The following WDR11 variants were observed in gnomAD, a reference collection of about 807,000 sequenced individuals.
The protein encoded by WDR11 is WD repeat domain 11.
WDR11 carries 83 observed loss-of-function variants against 151.2 expected under a neutral mutation model. The ratio of observed to expected loss-of-function variants is 0.55; its 90% CI spans 0.46 to 0.66. The LOEUF is 0.66. Ranked by LOEUF, WDR11 falls within the 30% of genes least tolerant of loss-of-function variation. The pLI, the probability that WDR11 is intolerant of heterozygous loss-of-function variation, is 0.00. For missense variants in WDR11, 1,301 were observed against 1,480.9 expected (o/e 0.88, Z 1.99); for synonymous variants, 484 against 533.1 (o/e 0.91, Z 1.27).
intron 16 of WDR11, among the ~76,000 whole-genome samples, chr10:120,887,924 A>G (rs1163621453): frequency 8.7e-6 from 1 of 115,320 alleles, no homozygotes; most frequent in African/African-American, 3.2e-5. Flanking sequence ...ACAGAATTTC[A>G]TTTCTTTAAT....
At chr10:120,853,631 A>G (rs1416160850) in intron 2 of WDR11, among the ~76,000 whole-genome samples, 1 of 152,162 alleles carries the variant, frequency 6.6e-6, no homozygotes, top group African/African-American at 2.4e-5. Context: ...CTCTGGCAGC[A>G]GTGGAGGATC....
chr10:120,865,357 G>T (rs1296353742), intron 6 of WDR11, 145 bp downstream of exon 6: 14 of 849,042 alleles, frequency 1.6e-5, no homozygotes, highest in Admixed American at 1.1e-4. Context: ...ATTTTAGATT[G>T]TTTTTTTTGT....
At chr10:120,907,853 A>C (rs1271250174) in intron 28 of WDR11, 3 of 146,210 alleles carry the variant, frequency 2.1e-5, no homozygotes, top group African/African-American at 7.7e-5. Flanking sequence ...TATGTTGCCC[A>C]GGCTGGTCTT....
chr10:120,863,108 G>A (rs1846194996), intron 5 of WDR11, among the ~76,000 whole-genome samples, 187 bp downstream of exon 5: 1 of 152,034 alleles, frequency 6.6e-6, no homozygotes, highest in Non-Finnish European at 1.5e-5. Flanking sequence ...ATTTAACATT[G>A]CCTTTGTTTC....
chr10:120,865,026 GTGAA>G lies in WDR11; in HGVS notation c.714-18_714-15del. ...GATATAAATGAAGTCTTTGACCCAAGTGAATGTTTACTTTTTTCAGTGCTGAATT... is the reference window on the plus strand; with the variant it reads ...GATATAAATGAAGTCTTTGACCCAAGTGTTTACTTTTTTCAGTGCTGAATT... On this transcript the variant is annotated splice_polypyrimidine_tract_variant and intron_variant, in intron 5 of 28. Coordinates refer to ENST00000263461, the MANE Select transcript of WDR11 (RefSeq NM_018117.12). 6.2e-7 allele frequency: 1 copy of G among 1,613,380 alleles called. No individual in the cohort carries two copies. The highest frequency in any genetic ancestry group is 1.1e-5 in the South Asian group (1 of 91,064).
In WDR11 at chr10:120,906,748, A is replaced by ATAAC. The variant is rs369126028; in HGVS notation, c.3438-26_3438-23dup. The ATAAC allele has an allele frequency of 5.1e-4, 823 of 1,614,100 alleles. 5 individuals are homozygous for ATAAC. The African/African-American group carries it at 9.6e-3, about 19-fold the overall frequency. ...CCACCAGTGATGTAAATCACAAAGC[A>ATAAC]TAACTCTTGTTTTGTTCTGTTGAGC... is the stretch of plus-strand genomic sequence containing the variant. On this transcript the variant is annotated intron_variant, in intron 27 of 28. Transcript: ENST00000263461.
At chr10:120,869,640 A>G (rs1846457435) in intron 9 of WDR11, among the ~76,000 whole-genome samples, 1 of 152,200 alleles carries the variant, frequency 6.6e-6, no homozygotes, top group South Asian at 2.1e-4. Context: ...ATACTTATTA[A>G]GGCCTAATTT....
intron 25 of WDR11, 46 bp from the exon 26 acceptor site, chr10:120,905,269 CAAAG>C (rs1847989326): frequency 6.3e-7 from 1 of 1,583,414 alleles, no homozygotes; most frequent in Non-Finnish European, 8.7e-7. Context: ...AATGACTTCT[CAAAG>C]AAGGAGCTGC....
rs1267645081 is a variant in WDR11, at chr10:120,905,751, C to T, written c.3292-125C>T. The T allele has an allele frequency of 2.0e-6, 3 of 1,526,776 alleles. No individual in the cohort carries two copies. The Admixed American group carries it at 5.2e-5, about 27-fold the overall frequency. 94.6% of individuals were successfully genotyped at this position (1,526,776 alleles called of 1,614,324 possible). A position where few individuals can be genotyped will look rare whatever the true frequency, so the allele number is the denominator to read the frequency against. ...TTCAGAGTATGCAGCAGCTTCAGGG[C>T]AGTGTGCTAGTCAAGCAGAGCATAG... is the stretch of plus-strand genomic sequence containing the variant. On this transcript the variant is annotated intron_variant, in intron 26 of 28. Coordinates refer to ENST00000263461, the MANE Select transcript of WDR11 (RefSeq NM_018117.12).
chr10:120,860,198 A>T lies in WDR11; in HGVS notation c.442A>T (p.Thr148Ser), dbSNP rs1445115329. 1 of 1,614,186 alleles carries T rather than the reference A, an allele frequency of 6.2e-7. No homozygotes were observed. Among genetic ancestry groups the T allele is most frequent in the African/African-American group, 1.3e-5 (1 of 75,046 alleles). The part of the protein sequence containing the change: ...PNYIVLWNAD[T>S]GTKLWKKSYA... ...TTACATTGTGCTCTGGAATGCCGAC[A>T]CTGGCACCAAACTATGGAAGAAGAG... is the stretch of plus-strand genomic sequence containing the variant. Residue 148 changes from threonine (T) to serine (S), a missense_variant, in exon 4 of 29, where the codon ACT (threonine) becomes TCT (serine). Physicochemically the swap from Thr to Ser is moderately conservative, Grantham distance 58. Coordinates refer to ENST00000263461, the MANE Select transcript of WDR11 (RefSeq NM_018117.12).
At chr10:120,855,131 A>G (rs923705599) in intron 2 of WDR11, among the ~76,000 whole-genome samples, 2 of 151,584 alleles carry the variant, frequency 1.3e-5, no homozygotes, top group African/African-American at 4.9e-5. Context: ...AACAATTATA[A>G]CAATACATCA....
chr10:120,853,092 A>G lies in WDR11; in HGVS notation c.198+457A>G, dbSNP rs11199599. Reference sequence around the variant, plus strand: ...GTTTCAAGACTAGTAGACAGTAGTTAGCCAAGTAAAAAATTGACAAGGAGC... The same window carrying G: ...GTTTCAAGACTAGTAGACAGTAGTTGGCCAAGTAAAAAATTGACAAGGAGC... On this transcript the variant is annotated intron_variant, in intron 2 of 28. Coordinates refer to ENST00000263461, the MANE Select transcript of WDR11 (RefSeq NM_018117.12). Among the ~76,000 whole-genome samples the G allele has an allele frequency of 9.0e-3, 1,375 of 152,296 alleles. 20 individuals are homozygous for G. Among genetic ancestry groups the G allele is most frequent in the African/African-American group, 0.032 (1,316 of 41,554 alleles).
intron 1 of WDR11, 21 bp downstream of exon 1, chr10:120,851,527 G>A: frequency 6.2e-7 from 1 of 1,605,526 alleles, no homozygotes; most frequent in Admixed American, 1.7e-5. Context: ...CGAGCTTCCA[G>A]GTCGCCAGGA....
intron 21 of WDR11, 117 bp downstream of exon 21, chr10:120,901,215 G>A (rs1847801969): frequency 1.1e-6 from 1 of 891,254 alleles, no homozygotes; most frequent in African/African-American, 1.7e-5. Flanking sequence ...AGTGGCCCAA[G>A]AAGAGACCAT....
intron 9 of WDR11, 120 bp from the exon 10 acceptor site, chr10:120,871,050 A>G: frequency 1.0e-6 from 1 of 1,000,598 alleles, no homozygotes; most frequent in Middle Eastern, 2.7e-4. Context: ...CCACTAAAGT[A>G]CTACATTAAC....
intron 28 of WDR11, chr10:120,907,734 TC>T (rs1299465959): frequency 6.6e-6 from 1 of 151,916 alleles, no homozygotes; most frequent in African/African-American, 2.4e-5. Flanking sequence ...AGCCTTGACT[TC>T]CTGGGCTCAA....
chr10:120,862,694 T>G (rs748185920), intron 4 of WDR11, 41 bp from the exon 5 acceptor site: 1 of 1,599,384 alleles, frequency 6.3e-7, no homozygotes, highest in South Asian at 1.1e-5. Flanking sequence ...TATGCTAAAC[T>G]TCATTAAACT....
intron 19 of WDR11, among the ~76,000 whole-genome samples, chr10:120,892,367 A>G (rs570813588): frequency 1.3e-5 from 2 of 152,342 alleles, no homozygotes; most frequent in African/African-American, 4.8e-5. Flanking sequence ...CTAAATAGCA[A>G]TTGGGAAAGG....
In WDR11 at chr10:120,868,299, T is replaced by G. The variant is rs372196246; in HGVS notation, c.1294+1130T>G. Among the ~76,000 whole-genome samples the G allele has an allele frequency of 2.2e-3, 332 of 151,818 alleles. 2 individuals are homozygous for G. Among genetic ancestry groups the G allele is most frequent in the African/African-American group, 7.5e-3 (309 of 41,394 alleles). ...TGAAACCCTGTCTCTACTAAAAATA[T>G]AAGAATTAGCCAGGTGCAGTGGCAT... is the stretch of plus-strand genomic sequence containing the variant. On this transcript the variant is annotated intron_variant, in intron 9 of 28. Transcript: ENST00000263461.
Sources: gnomAD v4.1 joint callset for allele counts (sites outside exome capture counted in the v4.1 genomes callset) on GRCh38, gnomAD v4.1.1 for gene constraint, MANE v1.5 for transcripts, NCBI Gene and HGNC (gene_info 2026-07-23, HGNC 2026-07-21) for gene names.